Variants in HDAC9 observed in about 807,000 individuals in gnomAD.
HDAC9 encodes histone deacetylase 9.
A neutral mutation model predicts 139.4 loss-of-function variants in HDAC9; 41 were observed. The observed-to-expected ratio is 0.29, with a 90% confidence interval of 0.23 to 0.38. The LOEUF is 0.38. HDAC9 is among the 10% of genes least tolerant of loss of function. HDAC9 has a pLI of 1.00. For missense variants in HDAC9, 1,147 were observed against 1,297.0 expected (o/e 0.88, Z 1.78); for synonymous variants, 517 against 476.2 (o/e 1.09, Z -1.12).
rs927985525 is a variant in HDAC9 at position 19,001,620 on chromosome 7, G to T, written c.*5558G>T. 1 of 151,652 alleles carries T rather than the reference G, an allele frequency of 6.6e-6. No homozygotes were observed. The highest frequency in any genetic ancestry group is 2.1e-4 in the South Asian group (1 of 4,794). The allele number at this position is 151,652 out of a possible 1,614,324, so 9.4% of individuals were successfully genotyped here. ...AATGGCACTTCCTTGGGTATGTAAGGGTTGTTTTTAGATAAAACTCCCGAT... is the reference window on the plus strand; with the variant it reads ...AATGGCACTTCCTTGGGTATGTAAGTGTTGTTTTTAGATAAAACTCCCGAT... On this transcript the variant is annotated 3_prime_UTR_variant, in exon 26 of 26. Transcript: ENST00000686413.
intron 2 of HDAC9, among the ~76,000 whole-genome samples, chr7:18,569,471 T>G (rs528582397): frequency 6.6e-6 from 1 of 152,328 alleles, no homozygotes; most frequent in African/African-American, 2.4e-5. Flanking sequence ...AATAATTTCT[T>G]ATACTTTTGA....
In HDAC9 at chr7:18,588,235, G is replaced by T. The variant is rs189480646; in HGVS notation, c.265-2101G>T. On this transcript the variant is annotated intron_variant, in intron 3 of 25. Coordinates refer to ENST00000686413, the MANE Select transcript of HDAC9 (RefSeq NM_178425.4). ...TTTATTTTTGTTCTATTACTTTTTG[G>T]TGTAAAATCAAGAGTTTTAGGCACC... 2.8e-3 allele frequency among the ~76,000 whole-genome samples: 429 copies of T among 152,016 alleles called. 1 individual carries two copies. Among genetic ancestry groups the T allele is most frequent in the African/African-American group, 9.7e-3 (401 of 41,484 alleles).
rs1225058626 is a variant in HDAC9 at position 18,666,272 on chromosome 7, G to A, written c.1527G>A (p.Glu509=). The change falls in exon 12 of 26, where the codon GAG becomes GAA. Residue 509 remains glutamate, a synonymous_variant. Coordinates refer to ENST00000686413, the MANE Select transcript of HDAC9 (RefSeq NM_178425.4). Reference sequence around the variant, plus strand: ...CAGGCAGTCACCTTGAGGAAGCAGAGGAAGAGCTTCAGGGGGACCAGGCGA... The same window carrying A: ...CAGGCAGTCACCTTGAGGAAGCAGAAGAAGAGCTTCAGGGGGACCAGGCGA... ...KQPGSHLEEA[E]EELQGDQAMQ... is the part of the protein sequence containing the mutation. 2.5e-6 allele frequency: 4 copies of A among 1,613,434 alleles called. No individual in the cohort carries two copies. The South Asian group carries it at 4.4e-5, about 18-fold the overall frequency.
chr7:18,619,207 G>T (rs1341885982), intron 6 of HDAC9, among the ~76,000 whole-genome samples: 1 of 152,146 alleles, frequency 6.6e-6, no homozygotes, highest in Non-Finnish European at 1.5e-5. Context: ...AATTCCTTCT[G>T]CATTCCACAT....
intron 1 of HDAC9, among the ~76,000 whole-genome samples, chr7:18,421,057 A>AT (rs2128752049): frequency 6.6e-6 from 1 of 152,306 alleles, no homozygotes; most frequent in African/African-American, 2.4e-5. Context: ...ACCATTTAAA[A>AT]TTCTGCTTCT....
Position 18,656,040 on chromosome 7 carries a change from G to A in HDAC9, c.1467+7357G>A, listed in dbSNP as rs1791020118. Among the ~76,000 whole-genome samples, 4 of 149,026 alleles carry A rather than the reference G, an allele frequency of 2.7e-5. No homozygotes were observed. In the South Asian group the frequency reaches 6.3e-4, roughly 23 times the overall value. ...TAGACATGAAAACTGCCAGTGGGTA[G>A]CAGTCTCTTTTTTTTTTTTTTGCAT... On this transcript the variant is annotated intron_variant, in intron 11 of 25. Coordinates refer to ENST00000686413, the MANE Select transcript of HDAC9 (RefSeq NM_178425.4).
At chr7:18,717,191 G>A (rs1784764638) in intron 12 of HDAC9, among the ~76,000 whole-genome samples, 2 of 152,068 alleles carry the variant, frequency 1.3e-5, no homozygotes, top group Non-Finnish European at 2.9e-5. Flanking sequence ...CTTGGCCCTA[G>A]AGGGAAGACT....
chr7:18,651,308 AC>A (rs1266560322), intron 11 of HDAC9, among the ~76,000 whole-genome samples: 1 of 152,116 alleles, frequency 6.6e-6, no homozygotes, highest in African/African-American at 2.4e-5. Context: ...GATGGTCCTT[AC>A]TCTTGAGATA....
intron 17 of HDAC9, among the ~76,000 whole-genome samples, chr7:18,810,585 C>T (rs1382009922): frequency 6.6e-6 from 1 of 151,844 alleles, no homozygotes; most frequent in Non-Finnish European, 1.5e-5. Context: ...ATAAAACACA[C>T]ATAATGTCTT....
At chr7:18,317,584 G>A (rs747538308) in intron 1 of HDAC9, among the ~76,000 whole-genome samples, 1 of 152,246 alleles carries the variant, frequency 6.6e-6, no homozygotes, top group East Asian at 1.9e-4. Context: ...TTTCCCAAAC[G>A]TGAGTTGAGT....
chr7:18,945,204 C>G (rs910055748), intron 23 of HDAC9, among the ~76,000 whole-genome samples: 18 of 152,274 alleles, frequency 1.2e-4, no homozygotes, highest in African/African-American at 4.3e-4. Flanking sequence ...TATTGTCAGT[C>G]TTTTAAAATC....
intron 17 of HDAC9, among the ~76,000 whole-genome samples, chr7:18,824,038 GGAAGAGGAA>G (rs1193562507): frequency 8.5e-5 from 2 of 23,596 alleles, no homozygotes; most frequent in African/African-American, 1.7e-4. Context: ...AAGAGGAAGA[GGAAGAGGAA>G]GAAGAAGAAG....
At chr7:18,967,580 A>C (rs772800052) in intron 24 of HDAC9, among the ~76,000 whole-genome samples, 8 of 149,676 alleles carry the variant, frequency 5.3e-5, no homozygotes, top group Non-Finnish European at 1.0e-4. Flanking sequence ...CACTGATAAT[A>C]AAATCATTTG....
intron 2 of HDAC9, among the ~76,000 whole-genome samples, chr7:18,210,921 G>T (rs184218690): frequency 1.3e-5 from 2 of 152,300 alleles, no homozygotes; most frequent in East Asian, 3.9e-4. Flanking sequence ...TTTGTAGGGG[G>T]AGTGTAGAAA....
chr7:18,494,826 A>C (rs1796663294), upstream of HDAC9, among the ~76,000 whole-genome samples: 1 of 152,120 alleles, frequency 6.6e-6, no homozygotes, highest in Admixed American at 6.6e-5. Context: ...CAACAGGTGC[A>C]TATGCTCAGA....
At chr7:18,755,745 GA>G (rs1169831285) in intron 14 of HDAC9, among the ~76,000 whole-genome samples, 2 of 151,998 alleles carry the variant, frequency 1.3e-5, no homozygotes, top group Non-Finnish European at 2.9e-5. Context: ...CACCATTTCA[GA>G]GCTTTATTAT....
At chr7:18,743,171 C>T (rs1270480964) in intron 13 of HDAC9, among the ~76,000 whole-genome samples, 3 of 151,978 alleles carry the variant, frequency 2.0e-5, no homozygotes, top group African/African-American at 7.3e-5. Context: ...TCACTTTTTG[C>T]CAACTTACAT....
At chr7:18,723,181 G>A (rs1031083431) in intron 12 of HDAC9, among the ~76,000 whole-genome samples, 2 of 151,678 alleles carry the variant, frequency 1.3e-5, no homozygotes, top group Non-Finnish European at 2.9e-5. Context: ...ATGTTTCCTT[G>A]TTTTATCCTA....
At chr7:18,761,950 A>T (rs1231719483) in intron 14 of HDAC9, among the ~76,000 whole-genome samples, 1 of 152,174 alleles carries the variant, frequency 6.6e-6, no homozygotes, top group Non-Finnish European at 1.5e-5. Context: ...TCAGTTGCCC[A>T]TTTAGGTATA....
Sources: allele counts gnomAD v4.1 joint callset (sites outside exome capture counted in the v4.1 genomes callset), GRCh38; gene constraint gnomAD v4.1.1; transcripts MANE v1.5; gene names NCBI Gene and HGNC (gene_info 2026-07-23, HGNC 2026-07-21).